Variants in DAB1 observed in about 807,000 individuals in gnomAD.
DAB1 encodes the protein DAB adaptor protein 1.
DAB1 carries 15 observed loss-of-function variants against 64.6 expected under a neutral mutation model. The observed-to-expected ratio is 0.23, with a 90% CI of 0.16 to 0.36. DAB1 has a LOEUF of 0.36. DAB1 is among the 10% of genes least tolerant of loss of function. The pLI is 1.00. For synonymous variants in DAB1, 235 were observed against 251.9 expected (o/e 0.93, Z 0.64); for missense variants, 596 against 706.7 (o/e 0.84, Z 1.78).
chr1:58,189,650 T>C (rs1657278749), intron 4 of DAB1, among the ~76,000 whole-genome samples: 1 of 152,244 alleles, frequency 6.6e-6, no homozygotes, highest in African/African-American at 2.4e-5. Flanking sequence ...GACAGCACTT[T>C]GGTCACACCA....
At chr1:57,513,626 A>G (rs1289555743) in intron 7 of DAB1, among the ~76,000 whole-genome samples, 1 of 152,218 alleles carries the variant, frequency 6.6e-6, no homozygotes, top group Admixed American at 6.5e-5. Flanking sequence ...ATATGTATAC[A>G]TTGTGGAACT....
chr1:58,127,177 T>A (rs933334000), intron 5 of DAB1, among the ~76,000 whole-genome samples: 1 of 151,914 alleles, frequency 6.6e-6, no homozygotes, highest in Non-Finnish European at 1.5e-5. Flanking sequence ...GGTATCTCAT[T>A]GTGATTTTGA....
chr1:57,396,542 A>AGTT (rs1682824169), intron 1 of DAB1, among the ~76,000 whole-genome samples: 1 of 152,186 alleles, frequency 6.6e-6, no homozygotes, highest in Non-Finnish European at 1.5e-5. Flanking sequence ...TGACTTTACG[A>AGTT]GTTTAGCAAT....
chr1:57,346,893 T>G (rs914429165), intron 1 of DAB1, among the ~76,000 whole-genome samples: 1 of 152,220 alleles, frequency 6.6e-6, no homozygotes, highest in African/African-American at 2.4e-5. Flanking sequence ...AACAAGCATT[T>G]ACTGTGTACC....
At chr1:58,168,605 C>T (rs762702478) in intron 4 of DAB1, among the ~76,000 whole-genome samples, 12 of 152,042 alleles carry the variant, frequency 7.9e-5, no homozygotes, top group Non-Finnish European at 1.6e-4. Context: ...ATAATTTTTG[C>T]CCAAAGCCCC....
chr1:58,003,923 C>T (rs1019716796), intron 5 of DAB1, among the ~76,000 whole-genome samples: 2 of 152,174 alleles, frequency 1.3e-5, no homozygotes, highest in African/African-American at 2.4e-5. Context: ...CACCCCCAGC[C>T]GAAGGCTTCA....
At chr1:58,066,999 C>T (rs1570306139) in intron 5 of DAB1, among the ~76,000 whole-genome samples, 1 of 152,174 alleles carries the variant, frequency 6.6e-6, no homozygotes, top group African/African-American at 2.4e-5. Flanking sequence ...CTCCTCAGAG[C>T]CTTTGCTCAT....
chr1:58,354,563 G>T (rs768586227), intron 3 of DAB1, among the ~76,000 whole-genome samples: 1 of 152,062 alleles, frequency 6.6e-6, no homozygotes, highest in Non-Finnish European at 1.5e-5. Flanking sequence ...TGCAAATATT[G>T]GTCTTTTCTT....
chr1:57,296,314 T>C (rs967618646), intron 1 of DAB1, among the ~76,000 whole-genome samples: 1 of 152,164 alleles, frequency 6.6e-6, no homozygotes, highest in African/African-American at 2.4e-5. Flanking sequence ...TAGGTATGAA[T>C]GTATATATGT....
rs1422670949 is a variant in DAB1, at chr1:56,997,709, C to G, written c.*435G>C. 6.6e-6 allele frequency: 1 copy of G among 152,176 alleles called. No individual in the cohort carries two copies. The highest frequency in any genetic ancestry group is 1.5e-5 in the Non-Finnish European group (1 of 68,046). 9.4% of individuals were successfully genotyped at this position (152,176 alleles called of 1,614,324 possible). ...TTGCTTAAAGAAGTCAGTTCCAACC[C>G]TGTTGTAATCCTCTGATGCCTGTCA... On this transcript the variant is annotated 3_prime_UTR_variant, in exon 15 of 15. Coordinates refer to ENST00000371236, the MANE Select transcript of DAB1 (RefSeq NM_001365792.1).
chr1:57,727,324 A>G (rs552235502), intron 6 of DAB1, among the ~76,000 whole-genome samples: 1 of 152,354 alleles, frequency 6.6e-6, no homozygotes, highest in East Asian at 1.9e-4. Flanking sequence ...TTGATGTGTT[A>G]AAGCTCAGCA....
chr1:58,529,655 C>T (rs1646402561), intron 1 of DAB1, among the ~76,000 whole-genome samples: 1 of 152,150 alleles, frequency 6.6e-6, no homozygotes, highest in Non-Finnish European at 1.5e-5. Context: ...CATTAAAACC[C>T]AAATACAGTT....
chr1:58,181,035 T>C (rs1360772816), intron 4 of DAB1, among the ~76,000 whole-genome samples: 1 of 152,206 alleles, frequency 6.6e-6, no homozygotes, highest in African/African-American at 2.4e-5. Flanking sequence ...TGATTTTCTT[T>C]CTAGTTGGCC....
chr1:57,028,369 C>T (rs1014101911), intron 9 of DAB1, among the ~76,000 whole-genome samples: 1 of 152,280 alleles, frequency 6.6e-6, no homozygotes, highest in Non-Finnish European at 1.5e-5. Context: ...ATTGTGAGTC[C>T]AATTAAACCT....
intron 2 of DAB1, among the ~76,000 whole-genome samples, chr1:57,156,326 C>T (rs1329978338): frequency 1.3e-5 from 2 of 152,172 alleles, no homozygotes; most frequent in Admixed American, 1.3e-4. Flanking sequence ...CCACCCTTAA[C>T]TCCAGCCTTA....
At chr1:57,264,488 G>A (rs1399142368) in intron 2 of DAB1, among the ~76,000 whole-genome samples, 4 of 152,280 alleles carry the variant, frequency 2.6e-5, no homozygotes, top group Middle Eastern at 3.4e-3. Flanking sequence ...GACAAATTCC[G>A]CATTGGTACA....
chr1:57,967,684 T>C, intron 5 of DAB1, among the ~76,000 whole-genome samples: 1 of 152,172 alleles, frequency 6.6e-6, no homozygotes, highest in East Asian at 1.9e-4. Context: ...ATAATAATTG[T>C]AGCTACTTTA....
intron 4 of DAB1, among the ~76,000 whole-genome samples, chr1:58,206,548 T>A (rs1418333477): frequency 6.6e-6 from 1 of 152,210 alleles, no homozygotes; most frequent in Non-Finnish European, 1.5e-5. Flanking sequence ...TTTACCACTG[T>A]ACTAACACTA....
chr1:57,335,061 T>A (rs1402612269), intron 1 of DAB1, among the ~76,000 whole-genome samples: 1 of 152,164 alleles, frequency 6.6e-6, no homozygotes, highest in African/African-American at 2.4e-5. Flanking sequence ...CTTTCAACAA[T>A]AAAATAAGTT....
Sources: gnomAD v4.1 joint callset for allele counts (sites outside exome capture counted in the v4.1 genomes callset) on GRCh38, gnomAD v4.1.1 for gene constraint, MANE v1.5 for transcripts, NCBI Gene and HGNC (gene_info 2026-07-23, HGNC 2026-07-21) for gene names.